The following CPNE4 variants were observed in gnomAD, a reference collection of about 807,000 sequenced individuals.
CPNE4 encodes the protein copine-4.
In CPNE4, 25 loss-of-function variants were observed where a neutral mutation model predicts 67.9. The ratio of observed to expected loss-of-function variants is 0.37; its 90% CI spans 0.27 to 0.51. CPNE4 has a LOEUF of 0.51. Among genes scored for constraint, CPNE4 ranks in the 20% least tolerant of loss-of-function variants. CPNE4 has a pLI of 0.93. For synonymous variants in CPNE4, 242 were observed against 244.9 expected (o/e 0.99, Z 0.11); for missense variants, 464 against 690.8 (o/e 0.67, Z 3.68).
chr3:131,853,278 T>C (rs995113506), intron 2 of CPNE4, among the ~76,000 whole-genome samples: 15 of 151,928 alleles, frequency 9.9e-5, no homozygotes, highest in Admixed American at 3.9e-4. Context: ...ACACTGTACA[T>C]TGACTATTTT....
intron 15 of CPNE4, among the ~76,000 whole-genome samples, chr3:131,537,347 G>A (rs912530101): frequency 1.3e-5 from 2 of 148,568 alleles, no homozygotes; most frequent in Admixed American, 6.8e-5. Flanking sequence ...GCAGTGGTGC[G>A]ATCTCAGCTC....
At chr3:131,806,457 G>A (rs539004088) in intron 2 of CPNE4, among the ~76,000 whole-genome samples, 1 of 151,418 alleles carries the variant, frequency 6.6e-6, no homozygotes, top group African/African-American at 2.4e-5. Context: ...GGCTGAGGCA[G>A]GAGAATGGCA....
At chr3:131,998,020 A>G (rs1405109392) in intron 1 of CPNE4, among the ~76,000 whole-genome samples, 1 of 152,132 alleles carries the variant, frequency 6.6e-6, no homozygotes, top group Non-Finnish European at 1.5e-5. Context: ...ACACTGTTGC[A>G]TTGGGGATTA....
chr3:131,876,428 G>C (rs1583386738), intron 2 of CPNE4, among the ~76,000 whole-genome samples: 1 of 151,676 alleles, frequency 6.6e-6, no homozygotes, highest in Non-Finnish European at 1.5e-5. Context: ...AGATCACGAG[G>C]TCAGGAGATC....
chr3:131,955,089 G>GT (rs78932780), intron 1 of CPNE4, among the ~76,000 whole-genome samples: 36,661 of 148,370 alleles, frequency 0.25, 4,821 homozygotes, highest in Non-Finnish European at 0.3. Flanking sequence ...TAAGTTCTGT[G>GT]TTTTTTTTTT....
At position 132,011,784 on chromosome 3, in the gene CPNE4, A is replaced by G. The variant is rs540679825; in HGVS notation, c.-2+22783T>C. 5.9e-5 allele frequency among the ~76,000 whole-genome samples: 9 copies of G among 152,334 alleles called. No individual in the cohort carries two copies. The South Asian group carries it at 1.9e-3, about 32-fold the overall frequency. ...ATTGGGATTAGAAGAAACATATACC[A>G]CAGCTTAAGCAACAGGAGCCTGTGT... On this transcript the variant is annotated intron_variant, in intron 1 of 15. Coordinates refer to ENST00000429747, the MANE Select transcript of CPNE4 (RefSeq NM_130808.3).
chr3:131,965,876 T>G (rs2072328384), intron 1 of CPNE4, among the ~76,000 whole-genome samples: 1 of 152,170 alleles, frequency 6.6e-6, no homozygotes, highest in Non-Finnish European at 1.5e-5. Context: ...CAAGCAGACC[T>G]AATAGACATC....
chr3:131,950,248 G>A (rs1366160442), intron 1 of CPNE4, among the ~76,000 whole-genome samples: 1 of 152,176 alleles, frequency 6.6e-6, no homozygotes, highest in African/African-American at 2.4e-5. Context: ...TGCATTAACA[G>A]TGAACTCACA....
intron 2 of CPNE4, among the ~76,000 whole-genome samples, chr3:131,790,146 A>G (rs2083678619): frequency 6.6e-6 from 1 of 152,118 alleles, no homozygotes; most frequent in Admixed American, 6.6e-5. Context: ...TTGGATTCAT[A>G]TATGCACACT....
chr3:131,546,466 A>C (rs1935843586), intron 14 of CPNE4, among the ~76,000 whole-genome samples: 1 of 152,182 alleles, frequency 6.6e-6, no homozygotes. Flanking sequence ...CAGCTTGCCA[A>C]AGATGTTCAA....
At chr3:131,605,635 G>A (rs1939455614) in intron 7 of CPNE4, among the ~76,000 whole-genome samples, 1 of 152,126 alleles carries the variant, frequency 6.6e-6, no homozygotes, top group Non-Finnish European at 1.5e-5. Flanking sequence ...AGGCTGTTAA[G>A]TAGCGAATGA....
chr3:132,024,774 GAAT>G (rs1162415385), intron 1 of CPNE4, among the ~76,000 whole-genome samples: 1 of 152,104 alleles, frequency 6.6e-6, no homozygotes, highest in African/African-American at 2.4e-5. Context: ...GTCTTAAATA[GAAT>G]AATGTGTATA....
intron 10 of CPNE4, among the ~76,000 whole-genome samples, chr3:131,573,323 A>C (rs1937428360): frequency 6.6e-6 from 1 of 151,974 alleles, no homozygotes; most frequent in Non-Finnish European, 1.5e-5. Context: ...GGGGAGCTGC[A>C]ACTGGGGTGT....
At chr3:131,964,811 T>C (rs891955528) in intron 1 of CPNE4, among the ~76,000 whole-genome samples, 8 of 152,136 alleles carry the variant, frequency 5.3e-5, no homozygotes, top group African/African-American at 1.9e-4. Flanking sequence ...CAGGATATTG[T>C]CTAGGAGAAC....
At chr3:131,555,723 T>C (rs569164515) in intron 11 of CPNE4, among the ~76,000 whole-genome samples, 172 bp from the exon 12 acceptor site, 1 of 152,178 alleles carries the variant, frequency 6.6e-6, no homozygotes, top group South Asian at 2.1e-4. Context: ...GCATGGATAA[T>C]TAAAATCAAG....
chr3:131,944,223 C>A (rs1583489472), intron 1 of CPNE4, among the ~76,000 whole-genome samples: 1 of 148,700 alleles, frequency 6.7e-6, no homozygotes, highest in Non-Finnish European at 1.5e-5. Context: ...TCCTCTCTCT[C>A]TTTTTTTTTT....
intron 7 of CPNE4, among the ~76,000 whole-genome samples, chr3:131,617,669 T>C (rs1373925761): frequency 1.3e-5 from 2 of 152,194 alleles, no homozygotes; most frequent in African/African-American, 4.8e-5. Flanking sequence ...ACAAAGTCTT[T>C]TTTGTATCTT....
chr3:131,731,445 G>C (rs922304794), intron 2 of CPNE4, among the ~76,000 whole-genome samples: 11 of 152,148 alleles, frequency 7.2e-5, no homozygotes, highest in African/African-American at 2.2e-4. Context: ...CATCCACACA[G>C]AGCATGAGCA....
chr3:131,794,715 G>A (rs1007009223), intron 2 of CPNE4, among the ~76,000 whole-genome samples: 2 of 152,144 alleles, frequency 1.3e-5, no homozygotes, highest in Admixed American at 6.6e-5. Context: ...AACTTACAAC[G>A]TACTTTTACA....
Sources: gnomAD v4.1 joint callset for allele counts (sites outside exome capture counted in the v4.1 genomes callset) on GRCh38, gnomAD v4.1.1 for gene constraint, MANE v1.5 for transcripts, NCBI Gene and HGNC (gene_info 2026-07-23, HGNC 2026-07-21) for gene names.